NLRP4: variants seen among roughly 807,000 people sequenced by gnomAD.
NLRP4 encodes the protein NLR family pyrin domain containing 4.
A neutral mutation model predicts 84.7 loss-of-function variants in NLRP4; 44 were observed. The observed-to-expected ratio is 0.52, with a 90% confidence interval of 0.41 to 0.67. The LOEUF (loss-of-function observed/expected upper bound fraction) is 0.67. Among genes scored for constraint, NLRP4 ranks in the 30% least tolerant of loss-of-function variants. The pLI, the probability that NLRP4 is intolerant of heterozygous loss-of-function variation, is 0.00. For synonymous variants in NLRP4, 544 were observed against 476.4 expected (o/e 1.14, Z -1.85); for missense variants, 1,260 against 1,219.4 (o/e 1.03, Z -0.50).
Position 55,878,941 on chromosome 19 carries a change from A to G in NLRP4, c.2844A>G (p.Pro948=), listed in dbSNP as rs768308080. The G allele has an allele frequency of 6.2e-7, 1 of 1,613,686 alleles. No homozygotes were observed. Among genetic ancestry groups the G allele is most frequent in the South Asian group, 1.1e-5 (1 of 91,024 alleles). ...VVVLCEALRH[P]ECALQVLGLR... ...TACTCTGTGAGGCCCTGAGACACCC[A>G]GAGTGTGCCCTGCAGGTGCTCGGGT... Residue 948 remains proline (P), a synonymous_variant, in exon 9 of 10, where the codon CCA becomes CCG. Coordinates refer to ENST00000301295, the MANE Select transcript of NLRP4 (RefSeq NM_134444.5).
rs148569568 is a variant in NLRP4 at position 55,837,984 on chromosome 19, C to G, written c.-66+1050C>G. On this transcript the variant is annotated intron_variant, in intron 1 of 9. Coordinates refer to ENST00000301295, the MANE Select transcript of NLRP4 (RefSeq NM_134444.5). ...CCAGGAGGTGGAGATTGCAGTGTGC[C>G]GAGATTGCACCATTGCACTCCAGCC... Among the ~76,000 whole-genome samples the G allele has an allele frequency of 2.0e-5, 3 of 148,868 alleles. No individual in the cohort carries two copies. In the South Asian group the frequency reaches 6.3e-4, roughly 31 times the overall value.
intron 1 of NLRP4, among the ~76,000 whole-genome samples, chr19:55,850,786 T>TGTCCGAGGCTGCGGTGTAATG (rs1413495680): frequency 1.6e-5 from 2 of 128,922 alleles, no homozygotes; most frequent in African/African-American, 3.5e-5. Flanking sequence ...TGCGGTGTAA[T>TGTCCGAGGCTGCGGTGTAATG]TCCCGAGGCT....
At chr19:55,840,344 ATGTGTGTGTG>A (rs762148583) in intron 1 of NLRP4, among the ~76,000 whole-genome samples, 47 of 119,716 alleles carry the variant, frequency 3.9e-4, no homozygotes, top group Non-Finnish European at 5.8e-4. Flanking sequence ...GTGTATGTGT[ATGTGTGTGTG>A]TGTGTGTGTG....
chr19:55,853,789 CTT>C (rs1984272901), intron 2 of NLRP4, among the ~76,000 whole-genome samples: 1 of 147,352 alleles, frequency 6.8e-6, no homozygotes, highest in African/African-American at 2.7e-5. Context: ...TTCTGTCTCT[CTT>C]TCTCTCTCTC....
intron 8 of NLRP4, among the ~76,000 whole-genome samples, chr19:55,878,231 C>CA (rs1600244905): frequency 6.6e-6 from 1 of 151,808 alleles, no homozygotes; most frequent in East Asian, 1.9e-4. Context: ...CATGCCACTG[C>CA]ACTTCAGCCG....
At chr19:55,851,506 TG>T in intron 1 of NLRP4, among the ~76,000 whole-genome samples, 1 of 810 alleles carries the variant, frequency 1.2e-3, no homozygotes, top group African/African-American at 0.013. Flanking sequence ...TGCGGTGTAA[TG>T]TCCGTGGCTG....
Position 55,867,792 on chromosome 19 carries a change from A to G in NLRP4, c.2270A>G (p.Asn757Ser). ...LTNNKKLTYL[N>S]VSCNQLDTGV... is the part of the protein sequence containing the mutation. ...AACAACAAGAAGCTGACGTATCTGAATGTATCCTGCAACCAGTTAGACACA... is the reference window on the plus strand; with the variant it reads ...AACAACAAGAAGCTGACGTATCTGAGTGTATCCTGCAACCAGTTAGACACA... Residue 757 changes from asparagine to serine, a missense_variant, in exon 6 of 10, where the codon AAT (asparagine) becomes AGT (serine). Asn to Ser is a conservative substitution (Grantham distance 46). Coordinates refer to ENST00000301295, the MANE Select transcript of NLRP4 (RefSeq NM_134444.5). 3.1e-6 allele frequency: 5 copies of G among 1,614,184 alleles called. No individual in the cohort carries two copies. Among genetic ancestry groups the G allele is most frequent in the Non-Finnish European group, 3.4e-6 (4 of 1,180,010 alleles).
chr19:55,837,413 T>G (rs530645044), intron 1 of NLRP4, among the ~76,000 whole-genome samples: 1 of 152,302 alleles, frequency 6.6e-6, no homozygotes, highest in South Asian at 2.1e-4. Flanking sequence ...CAACCTATAG[T>G]GCTACTGAAC....
At chr19:55,881,136 C>CGTGTGTGTGTGTGTGTGTAT (rs1985569026) in intron 9 of NLRP4, among the ~76,000 whole-genome samples, 6 of 139,496 alleles carry the variant, frequency 4.3e-5, no homozygotes, top group Non-Finnish European at 6.2e-5. Context: ...GTGAGAGCCA[C>CGTGTGTGTGTGTGTGTGTAT]GTGTGTGTGT....
In NLRP4 at chr19:55,858,544, G is replaced by T. The variant is rs917427552; in HGVS notation, c.1151G>T (p.Gly384Val). Residue 384 changes from glycine (G) to valine (V), a missense_variant, in exon 3 of 10, where the codon GGT becomes GTT. Physicochemically the swap from Gly to Val is moderately radical, Grantham distance 109. This residue lies in a region of NLRP4 where 712 missense variants were observed against 669.2 expected (regional missense o/e 1.06). Coordinates refer to ENST00000301295, the MANE Select transcript of NLRP4 (RefSeq NM_134444.5). The surrounding 1 kb of genome is among the most constrained non-coding windows in gnomAD (Gnocchi z 4.2). ...GTCTTTAACCTGTTCACACCTGAGG[G>T]TGCCGAGGGCCCGACTCCGCAAACC... The part of the protein sequence containing the change: ...SFVFNLFTPE[G>V]AEGPTPQTQH... The T allele has an allele frequency of 1.2e-6, 2 of 1,614,104 alleles. No individual in the cohort carries two copies. The highest frequency in any genetic ancestry group is 1.7e-6 in the Non-Finnish European group (2 of 1,180,010).
chr19:55,877,769 G>A (rs925514605), intron 8 of NLRP4, among the ~76,000 whole-genome samples: 40 of 152,218 alleles, frequency 2.6e-4, no homozygotes, highest in Admixed American at 2.3e-3. Context: ...CCCTCTGTGT[G>A]TGTGTGTCTA....
At position 55,862,169 on chromosome 19, in the gene NLRP4, CGTTT is replaced by C; in HGVS notation, c.2186+11_2186+14del. 6.3e-7 allele frequency: 1 copy of C among 1,599,582 alleles called. No individual in the cohort carries two copies. The highest frequency in any genetic ancestry group is 1.1e-5 in the South Asian group (1 of 89,754). ...ACGTCAAAGAGCTAGCGTAAGTCTC[CGTTT>C]ATTGAGACCACTGATTGGGTTTCAG... On this transcript the variant is annotated intron_variant, in intron 5 of 9. Coordinates refer to ENST00000301295, the MANE Select transcript of NLRP4 (RefSeq NM_134444.5).
chr19:55,857,044 G>A (rs1054599173), intron 2 of NLRP4, among the ~76,000 whole-genome samples: 1 of 152,132 alleles, frequency 6.6e-6, no homozygotes, highest in Non-Finnish European at 1.5e-5. Flanking sequence ...TGCAAATTGA[G>A]TACATGCTAT....
intron 2 of NLRP4, among the ~76,000 whole-genome samples, chr19:55,853,337 TTGTC>T (rs1176891444): frequency 6.6e-6 from 1 of 152,202 alleles, no homozygotes; most frequent in Non-Finnish European, 1.5e-5. Flanking sequence ...ATTTTAGCCA[TTGTC>T]TGTGTATTCC....
rs1985493157 is a variant in NLRP4, at chr19:55,879,184, C to T, written c.2867+220C>T. ...CAAATGGAAACACTTGTGAAGTGGC[C>T]TCATTGTCTGGGGTAACACCCGAGG... On this transcript the variant is annotated intron_variant, in intron 9 of 9. Transcript: ENST00000301295. 2.6e-5 allele frequency among the ~76,000 whole-genome samples: 4 copies of T among 152,102 alleles called. No individual in the cohort carries two copies. The South Asian group carries it at 8.3e-4, about 32-fold the overall frequency.
intron 3 of NLRP4, among the ~76,000 whole-genome samples, chr19:55,859,796 G>A (rs769011682): frequency 1.4e-4 from 21 of 151,130 alleles, no homozygotes; most frequent in Non-Finnish European, 2.8e-4. Context: ...GGTGTGTAGC[G>A]CACACCTGTA....
At position 55,862,175 on chromosome 19, in the gene NLRP4, T is replaced by C. The variant is rs1426756195; in HGVS notation, c.2186+16T>C. 1.2e-5 allele frequency: 19 copies of C among 1,589,228 alleles called. No individual in the cohort carries two copies. Among genetic ancestry groups the C allele is most frequent in the Non-Finnish European group, 1.5e-5 (17 of 1,162,682 alleles). ...AAGAGCTAGCGTAAGTCTCCGTTTA[T>C]TGAGACCACTGATTGGGTTTCAGAG... On this transcript the variant is annotated intron_variant, in intron 5 of 9. Transcript: ENST00000301295.
chr19:55,865,487 G>A (rs1347302893), intron 5 of NLRP4, among the ~76,000 whole-genome samples: 1 of 152,138 alleles, frequency 6.6e-6, no homozygotes, highest in African/African-American at 2.4e-5. Context: ...ACCCAATAAT[G>A]GGATTGCTGG....
chr19:55,864,979 T>C (rs986740799), intron 5 of NLRP4, among the ~76,000 whole-genome samples: 3 of 152,210 alleles, frequency 2.0e-5, no homozygotes, highest in Admixed American at 6.5e-5. Flanking sequence ...AATTTTAACA[T>C]TTAAACAACA....
Sources: gnomAD v4.1 joint callset for allele counts (sites outside exome capture counted in the v4.1 genomes callset) on GRCh38, gnomAD v4.1.1 for gene constraint, gnomAD v4.1.1 regional missense constraint, Gnocchi (gnomAD v3.1) non-coding constraint, MANE v1.5 for transcripts, NCBI Gene and HGNC (gene_info 2026-07-23, HGNC 2026-07-21) for gene names.